The following GRIK1 variants were observed in gnomAD, a reference collection of about 807,000 sequenced individuals.
GRIK1 encodes glutamate ionotropic receptor kainate type subunit 1.
Under a neutral mutation model 105.7 loss-of-function variants are expected in GRIK1, and 69 were observed. The ratio of observed to expected loss-of-function variants is 0.65; its 90% CI spans 0.54 to 0.80. The LOEUF (loss-of-function observed/expected upper bound fraction) is 0.80, where lower values mean the gene tolerates loss of function less well. GRIK1 is among the 30% of genes least tolerant of loss of function. The pLI is 0.00. For missense variants in GRIK1, 1,109 were observed against 1,167.3 expected, an observed-to-expected ratio of 0.95 and a Z score of 0.73; for synonymous variants, 438 against 431.3, an observed-to-expected ratio of 1.02 and a Z score of -0.19.
At chr21:29,711,380 C>T (rs1879629102) in intron 1 of GRIK1, among the ~76,000 whole-genome samples, 1 of 152,080 alleles carries the variant, frequency 6.6e-6, no homozygotes, top group Non-Finnish European at 1.5e-5. Flanking sequence ...ATATAGCCTA[C>T]ATGTGTAATA....
At chr21:29,812,999 G>A (rs927890751) in intron 1 of GRIK1, among the ~76,000 whole-genome samples, 8 of 152,108 alleles carry the variant, frequency 5.3e-5, no homozygotes, top group African/African-American at 1.4e-4. Context: ...AGACGTTGCA[G>A]CCTTTTCTGT....
chr21:29,573,805 C>T (rs550972611), intron 14 of GRIK1, among the ~76,000 whole-genome samples: 2 of 150,828 alleles, frequency 1.3e-5, no homozygotes, highest in East Asian at 2.0e-4. Context: ...GCCAAGACTG[C>T]GCCACTGCAC....
chr21:29,597,679 G>T (rs2061441118), intron 8 of GRIK1: 5 of 466,020 alleles, frequency 1.1e-5, no homozygotes, highest in Non-Finnish European at 2.2e-5. Context: ...CAGAAGATGG[G>T]AGAGACATTT....
chr21:29,597,097 C>T (rs1180478982), intron 8 of GRIK1, among the ~76,000 whole-genome samples: 2 of 152,108 alleles, frequency 1.3e-5, no homozygotes, highest in Non-Finnish European at 2.9e-5. Flanking sequence ...TAATAATTTT[C>T]CCTATTGACT....
intron 1 of GRIK1, among the ~76,000 whole-genome samples, chr21:29,743,040 TC>T (rs2064967301): frequency 6.6e-6 from 1 of 151,916 alleles, no homozygotes; most frequent in African/African-American, 2.4e-5. Context: ...CTTCCTCACT[TC>T]TTTTTTTTTT....
intron 1 of GRIK1, among the ~76,000 whole-genome samples, chr21:29,923,686 A>G (rs1205601909): frequency 6.6e-6 from 1 of 152,188 alleles, no homozygotes; most frequent in Non-Finnish European, 1.5e-5. Context: ...CCATGGTAGT[A>G]CTCTAAAATA....
chr21:29,881,204 A>G (rs1470777274), intron 1 of GRIK1, among the ~76,000 whole-genome samples: 1 of 152,140 alleles, frequency 6.6e-6, no homozygotes, highest in Admixed American at 6.6e-5. Context: ...CCCTCTTAGT[A>G]TAGCTTTGCC....
intron 1 of GRIK1, among the ~76,000 whole-genome samples, chr21:29,899,958 T>C (rs1321569766): frequency 6.6e-6 from 1 of 152,134 alleles, no homozygotes; most frequent in Non-Finnish European, 1.5e-5. Context: ...CTACCTTCTA[T>C]GTATTAAGCA....
chr21:29,537,738 C>T (rs1415365436), intron 17 of GRIK1, 60 bp downstream of exon 17: 1 of 855,272 alleles, frequency 1.2e-6, no homozygotes, highest in Non-Finnish European at 2.0e-6. Flanking sequence ...ATGATCCAAA[C>T]ATTGATAGGA....
At chr21:29,587,707 C>T in intron 11 of GRIK1, 118 bp from the exon 12 acceptor site, 1 of 617,776 alleles carries the variant, frequency 1.6e-6, no homozygotes, top group Non-Finnish European at 2.8e-6. Flanking sequence ...TCATGAAGCT[C>T]CTGTGATGGT....
chr21:29,645,524 C>T (rs1207258701), intron 6 of GRIK1, among the ~76,000 whole-genome samples: 1 of 152,090 alleles, frequency 6.6e-6, no homozygotes, highest in Non-Finnish European at 1.5e-5. Context: ...TAAAATGATT[C>T]AAAATTATAG....
At chr21:29,616,608 T>A (rs372257106) in intron 7 of GRIK1, among the ~76,000 whole-genome samples, 1 of 152,352 alleles carries the variant, frequency 6.6e-6, no homozygotes, top group African/African-American at 2.4e-5. Context: ...GGCTGAGGAT[T>A]CTGGGGCTTC....
At chr21:29,907,775 A>T (rs1281294778) in intron 1 of GRIK1, among the ~76,000 whole-genome samples, 2 of 152,164 alleles carry the variant, frequency 1.3e-5, no homozygotes, top group African/African-American at 4.8e-5. Context: ...CTAGTGAATT[A>T]AAAAACATAG....
intron 1 of GRIK1, among the ~76,000 whole-genome samples, chr21:29,785,329 G>T (rs1281005982): frequency 6.6e-6 from 1 of 152,158 alleles, no homozygotes; most frequent in African/African-American, 2.4e-5. Context: ...TTGGGAGGCT[G>T]AGGCGGGTGG....
chr21:29,715,163 G>A (rs998929478), intron 1 of GRIK1, among the ~76,000 whole-genome samples: 1 of 152,192 alleles, frequency 6.6e-6, no homozygotes, highest in South Asian at 2.1e-4. Context: ...GTTCAGGAAT[G>A]TGTGTGAGTT....
intron 1 of GRIK1, among the ~76,000 whole-genome samples, chr21:29,891,457 G>T (rs1223383191): frequency 6.6e-6 from 1 of 152,164 alleles, no homozygotes; most frequent in East Asian, 1.9e-4. Flanking sequence ...TGTGTGGCGT[G>T]CATAATGCAT....
chr21:29,803,451 T>C (rs1013090261), intron 1 of GRIK1, among the ~76,000 whole-genome samples: 1 of 152,146 alleles, frequency 6.6e-6, no homozygotes, highest in African/African-American at 2.4e-5. Flanking sequence ...TGGAACAGGA[T>C]TCAGAAAAGT....
chr21:29,537,905 A>G, intron 16 of GRIK1, 21 bp from the exon 17 acceptor site: 3 of 1,087,718 alleles, frequency 2.8e-6, no homozygotes, highest in Non-Finnish European at 4.2e-6. Flanking sequence ...AAAAAGAAAA[A>G]AAAACAATTT....
chr21:29,805,758 C>T (rs765191410), intron 1 of GRIK1, among the ~76,000 whole-genome samples: 7 of 152,128 alleles, frequency 4.6e-5, no homozygotes. Flanking sequence ...GGTGCTCCTA[C>T]TGAGCCAGCT....
Sources: allele counts gnomAD v4.1 joint callset (sites outside exome capture counted in the v4.1 genomes callset), GRCh38; gene constraint gnomAD v4.1.1; transcripts MANE v1.5; gene names NCBI Gene and HGNC (gene_info 2026-07-23, HGNC 2026-07-21).